NAALADL2: variants seen among roughly 807,000 people sequenced by gnomAD.
The protein encoded by NAALADL2 is inactive N-acetylated-alpha-linked acidic dipeptidase-like protein 2.
Under a neutral mutation model 87.2 loss-of-function variants are expected in NAALADL2, and 76 were observed. That is an observed-to-expected ratio of 0.87 (90% CI 0.72 to 1.05). The LOEUF (loss-of-function observed/expected upper bound fraction) is 1.05. Ranked by LOEUF, NAALADL2 falls within the 50% of genes least tolerant of loss-of-function variation. The pLI is 0.00. For missense variants in NAALADL2, 1,089 were observed against 945.8 expected (o/e 1.15, Z -1.99); for synonymous variants, 354 against 331.0 (o/e 1.07, Z -0.75).
At chr3:174,543,473 A>C (rs1722439913) in intron 1 of NAALADL2, among the ~76,000 whole-genome samples, 3 of 152,126 alleles carry the variant, frequency 2.0e-5, no homozygotes, top group African/African-American at 7.2e-5. Flanking sequence ...CCTCTTTTAC[A>C]TTTAATTAAC....
chr3:175,609,307 C>A (rs1724256146), intron 10 of NAALADL2, among the ~76,000 whole-genome samples: 1 of 152,060 alleles, frequency 6.6e-6, no homozygotes, highest in South Asian at 2.1e-4. Context: ...ATAAATAAGA[C>A]CTCCATTTAG....
intron 10 of NAALADL2, 108 bp downstream of exon 10, chr3:175,576,295 A>C: frequency 2.0e-6 from 2 of 994,928 alleles, no homozygotes; most frequent in Non-Finnish European, 3.0e-6. Context: ...TCACTATAGA[A>C]AAGCGGCTTC....
rs145186547 is a variant in NAALADL2, at chr3:175,071,192, A to G, written c.44-25598A>G. 2.2e-4 allele frequency among the ~76,000 whole-genome samples: 33 copies of G among 152,230 alleles called. No homozygotes were observed. The East Asian group carries it at 4.1e-3, about 19-fold the overall frequency. ...TGTCTCCTAAAGTTCTCAGTCAATA[A>G]ATAACACATGCCAATTAATGCCACA... On this transcript the variant is annotated intron_variant, in intron 1 of 13. Coordinates refer to ENST00000454872, the MANE Select transcript of NAALADL2 (RefSeq NM_207015.3).
At chr3:174,450,857 G>T (rs1437451872) in intron 1 of NAALADL2, among the ~76,000 whole-genome samples, 4 of 106,060 alleles carry the variant, frequency 3.8e-5, no homozygotes, top group African/African-American at 1.5e-4. Context: ...GCAACAGAAT[G>T]AGACTCTGTC....
At chr3:174,510,688 T>G (rs968247749) in intron 1 of NAALADL2, among the ~76,000 whole-genome samples, 14 of 152,052 alleles carry the variant, frequency 9.2e-5, no homozygotes, top group African/African-American at 3.4e-4. Context: ...GTCCATTTTC[T>G]ATTTCATAGA....
At chr3:175,715,821 G>T (rs1174324940) in intron 11 of NAALADL2, among the ~76,000 whole-genome samples, 1 of 152,082 alleles carries the variant, frequency 6.6e-6, no homozygotes, top group Admixed American at 6.6e-5. Context: ...GTTGCAGTGA[G>T]CCAAGATTGT....
intron 4 of NAALADL2, among the ~76,000 whole-genome samples, chr3:175,258,694 C>A (rs1280014318): frequency 6.6e-6 from 1 of 152,014 alleles, no homozygotes; most frequent in Non-Finnish European, 1.5e-5. Context: ...AGCTGCATGC[C>A]TGGTGACTGG....
At chr3:175,144,423 A>G (rs765260879) in intron 2 of NAALADL2, among the ~76,000 whole-genome samples, 10 of 151,994 alleles carry the variant, frequency 6.6e-5, no homozygotes, top group Non-Finnish European at 8.8e-5. Flanking sequence ...ATTCTGAAAA[A>G]TATATGAGTT....
At chr3:175,636,451 A>G (rs1273093187) in intron 11 of NAALADL2, among the ~76,000 whole-genome samples, 1 of 152,032 alleles carries the variant, frequency 6.6e-6, no homozygotes, top group Non-Finnish European at 1.5e-5. Flanking sequence ...GTAATCCCAG[A>G]ATTTTGGGAG....
chr3:174,609,190 A>T (rs1309706059), intron 2 of NAALADL2, among the ~76,000 whole-genome samples: 1 of 152,148 alleles, frequency 6.6e-6, no homozygotes, highest in East Asian at 1.9e-4. Flanking sequence ...ATCTATGACA[A>T]CCCCACAGCC....
At chr3:175,335,079 A>C (rs1024285824) in intron 5 of NAALADL2, among the ~76,000 whole-genome samples, 1 of 152,176 alleles carries the variant, frequency 6.6e-6, no homozygotes, top group Non-Finnish European at 1.5e-5. Flanking sequence ...CTCTCTTGAC[A>C]GGATGGGGCA....
intron 3 of NAALADL2, among the ~76,000 whole-genome samples, chr3:174,800,330 G>A (rs898243413): frequency 6.6e-6 from 1 of 152,072 alleles, no homozygotes. Flanking sequence ...TTGGTACCCG[G>A]CCAGCCACTC....
intron 2 of NAALADL2, among the ~76,000 whole-genome samples, chr3:174,719,938 A>G (rs1367240343): frequency 2.6e-5 from 4 of 152,100 alleles, no homozygotes; most frequent in African/African-American, 7.2e-5. Flanking sequence ...AGTAGCTGAG[A>G]CTGCAGGCAT....
At position 174,617,209 on chromosome 3, in the gene NAALADL2, C is replaced by T. The variant is rs958039421; in HGVS notation, c.-115+66572C>T. Among the ~76,000 whole-genome samples the T allele has an allele frequency of 3.3e-5, 5 of 151,676 alleles. No individual in the cohort carries two copies. In the South Asian group the frequency reaches 1.0e-3, roughly 31 times the overall value. On this transcript the variant is annotated intron_variant, in intron 2 of 3. Transcript: ENST00000434257. ...TAAATTTGATTGACAAAATGCAGCT[C>T]AAATTTTCTTCTCTAACTCAGAATA... is the stretch of plus-strand genomic sequence containing the variant.
intron 2 of NAALADL2, among the ~76,000 whole-genome samples, chr3:175,166,996 C>T (rs185494807): frequency 6.6e-4 from 101 of 152,184 alleles, no homozygotes; most frequent in African/African-American, 2.4e-3. Context: ...TGCTGCTTTA[C>T]ATCCATATTT....
chr3:174,816,734 T>G (rs1308812067), intron 3 of NAALADL2, among the ~76,000 whole-genome samples: 1 of 152,096 alleles, frequency 6.6e-6, no homozygotes, highest in Non-Finnish European at 1.5e-5. Flanking sequence ...AACTACTATT[T>G]ATTAAGTCCT....
chr3:175,718,198 T>TG, intron 11 of NAALADL2: 2 of 485,036 alleles, frequency 4.1e-6, no homozygotes, highest in East Asian at 4.0e-5. Flanking sequence ...GCCTGTGGTT[T>TG]TTTTTTTTTT....
chr3:175,003,002 G>A (rs1748448787), intron 1 of NAALADL2, among the ~76,000 whole-genome samples: 1 of 152,066 alleles, frequency 6.6e-6, no homozygotes, highest in Non-Finnish European at 1.5e-5. Context: ...AGATTACAAG[G>A]GACATCTTTT....
At chr3:175,000,815 C>A (rs564323270) in intron 1 of NAALADL2, among the ~76,000 whole-genome samples, 2 of 152,228 alleles carry the variant, frequency 1.3e-5, no homozygotes, top group East Asian at 3.9e-4. Flanking sequence ...CTCACTTAAT[C>A]CTTAAAACTA....
Sources: gnomAD v4.1 joint callset for allele counts (sites outside exome capture counted in the v4.1 genomes callset) on GRCh38, gnomAD v4.1.1 for gene constraint, MANE v1.5 for transcripts, NCBI Gene and HGNC (gene_info 2026-07-23, HGNC 2026-07-21) for gene names.